CLVS1: variants seen among roughly 807,000 people sequenced by gnomAD.
The protein encoded by CLVS1 is clavesin-1.
CLVS1 carries 10 observed loss-of-function variants against 33.1 expected under a neutral mutation model. The ratio of observed to expected loss-of-function variants is 0.30; its 90% CI spans 0.19 to 0.51. CLVS1 has a LOEUF of 0.51. Among genes scored for constraint, CLVS1 ranks in the 20% least tolerant of loss-of-function variants. CLVS1 has a pLI of 0.97. For synonymous variants in CLVS1, 163 were observed against 166.1 expected (o/e 0.98, Z 0.14); for missense variants, 343 against 433.4 (o/e 0.79, Z 1.85).
chr8:61,475,625 C>G (rs1817896085), intron 5 of CLVS1, among the ~76,000 whole-genome samples: 1 of 152,040 alleles, frequency 6.6e-6, no homozygotes, highest in Non-Finnish European at 1.5e-5. Context: ...TATCCTTTGT[C>G]CACTTTTTGA....
At chr8:61,114,681 GT>G (rs1435235480) in intron 1 of CLVS1, among the ~76,000 whole-genome samples, 2 of 152,152 alleles carry the variant, frequency 1.3e-5, no homozygotes, top group Non-Finnish European at 2.9e-5. Context: ...TTTACCAAGA[GT>G]TCTAGAATGG....
At chr8:61,294,184 A>T (rs1810103314) in intron 1 of CLVS1, among the ~76,000 whole-genome samples, 1 of 152,114 alleles carries the variant, frequency 6.6e-6, no homozygotes, top group South Asian at 2.1e-4. Flanking sequence ...ACCGGTACTC[A>T]GAGTGATGTT....
chr8:61,003,577 G>A, the CLVS1 span, among the ~76,000 whole-genome samples: 20 of 152,320 alleles, frequency 1.3e-4, no homozygotes, highest in East Asian at 3.9e-3. Flanking sequence ...TGATGGTTTA[G>A]CTCTAGATCT....
At chr8:60,982,755 A>G in the CLVS1 span, among the ~76,000 whole-genome samples, 11 of 152,150 alleles carry the variant, frequency 7.2e-5, no homozygotes, top group Non-Finnish European at 1.2e-4. Flanking sequence ...GACAGATATT[A>G]CCCAATAACC....
chr8:61,383,474 G>T (rs1238459617), intron 3 of CLVS1, among the ~76,000 whole-genome samples: 1 of 152,220 alleles, frequency 6.6e-6, no homozygotes, highest in African/African-American at 2.4e-5. Context: ...ATTTTGTCAA[G>T]AAGTTTTTTA....
At chr8:61,369,108 A>G (rs539112837) in intron 2 of CLVS1, among the ~76,000 whole-genome samples, 1 of 151,326 alleles carries the variant, frequency 6.6e-6, no homozygotes, top group African/African-American at 2.4e-5. Flanking sequence ...GAGCCTCATC[A>G]AGTTATGTGA....
Position 61,253,092 on chromosome 8 carries a change from A to C in CLVS1, c.-151-46585A>C, listed in dbSNP as rs531035733. 2.6e-5 allele frequency among the ~76,000 whole-genome samples: 4 copies of C among 152,250 alleles called. No homozygotes were observed. In the East Asian group the frequency reaches 7.7e-4, roughly 29 times the overall value. ...CCTTTCCATGTTTAGTGCTTCCTTC[A>C]GGAGCTCTTTTAGGGCAGGCCTGGT... On this transcript the variant is annotated intron_variant, in intron 2 of 2. Transcript: ENST00000522621.
chr8:61,217,956 C>G (rs891353595), intron 2 of CLVS1, among the ~76,000 whole-genome samples: 3 of 152,170 alleles, frequency 2.0e-5, no homozygotes, highest in African/African-American at 7.2e-5. Context: ...AGTAAAGTAT[C>G]ATTTCACCCC....
At chr8:61,038,333 A>T in the CLVS1 span, among the ~76,000 whole-genome samples, 1 of 151,958 alleles carries the variant, frequency 6.6e-6, no homozygotes, top group South Asian at 2.1e-4. Context: ...GGTGTTTCCC[A>T]TATGAGAGGA....
At chr8:61,154,694 C>T (rs976712504) in intron 2 of CLVS1, among the ~76,000 whole-genome samples, 3 of 152,190 alleles carry the variant, frequency 2.0e-5, no homozygotes, top group Non-Finnish European at 4.4e-5. Flanking sequence ...GTTTCTTTAT[C>T]TGCAAGATAA....
intron 2 of CLVS1, among the ~76,000 whole-genome samples, chr8:61,158,969 G>T (rs1585651531): frequency 6.6e-6 from 1 of 152,182 alleles, no homozygotes; most frequent in Admixed American, 6.5e-5. Context: ...TAGGACTACA[G>T]GCATGGGCCA....
At chr8:61,180,258 T>G (rs944443128) in intron 2 of CLVS1, among the ~76,000 whole-genome samples, 1 of 152,172 alleles carries the variant, frequency 6.6e-6, no homozygotes, top group African/African-American at 2.4e-5. Flanking sequence ...GATAAAATCC[T>G]GGACACATAC....
intron 3 of CLVS1, among the ~76,000 whole-genome samples, chr8:61,445,414 G>A (rs529512534): frequency 1.3e-5 from 2 of 152,064 alleles, no homozygotes; most frequent in Admixed American, 1.3e-4. Flanking sequence ...TCTAGTTCCT[G>A]GGAGATCTGA....
chr8:61,190,431 A>G (rs951203526), intron 2 of CLVS1, among the ~76,000 whole-genome samples: 3 of 152,226 alleles, frequency 2.0e-5, no homozygotes, highest in Non-Finnish European at 4.4e-5. Context: ...CAAAAGATCT[A>G]AAATTGACAC....
chr8:61,253,690 C>T (rs1187044760), intron 2 of CLVS1, among the ~76,000 whole-genome samples: 3 of 152,168 alleles, frequency 2.0e-5, no homozygotes, highest in Admixed American at 2.0e-4. Context: ...ATCACTGATA[C>T]CCTTTCTTCC....
intron 3 of CLVS1, among the ~76,000 whole-genome samples, chr8:61,385,444 G>A (rs1814043981): frequency 6.6e-6 from 1 of 152,182 alleles, no homozygotes; most frequent in Admixed American, 6.5e-5. Context: ...CATTCTTGAA[G>A]GGACTCTGTT....
At chr8:61,044,308 G>A in the CLVS1 span, among the ~76,000 whole-genome samples, 2 of 152,160 alleles carry the variant, frequency 1.3e-5, no homozygotes, top group African/African-American at 2.4e-5. Flanking sequence ...TTCTTGACAT[G>A]CTATTGGGCA....
At chr8:61,057,994 G>A (rs563167243) in intron 1 of CLVS1, among the ~76,000 whole-genome samples, 3 of 152,294 alleles carry the variant, frequency 2.0e-5, no homozygotes, top group South Asian at 4.1e-4. Context: ...TAAATCTGGG[G>A]AGGCGCTTTA....
intron 1 of CLVS1, among the ~76,000 whole-genome samples, chr8:61,097,401 T>A (rs1419705699): frequency 1.3e-5 from 2 of 152,184 alleles, no homozygotes; most frequent in Admixed American, 6.5e-5. Flanking sequence ...GTGAGCATGA[T>A]GCTATTTTAT....
Sources: gnomAD v4.1 joint callset for allele counts (sites outside exome capture counted in the v4.1 genomes callset) on GRCh38, gnomAD v4.1.1 for gene constraint, MANE v1.5 for transcripts, NCBI Gene and HGNC (gene_info 2026-07-23, HGNC 2026-07-21) for gene names.